Variants in LAT observed in about 807,000 individuals in gnomAD.
LAT encodes linker for activation of T cells.
Under a neutral mutation model 39.1 loss-of-function variants are expected in LAT, and 12 were observed. That is an observed-to-expected ratio of 0.31 (90% CI 0.20 to 0.50). The LOEUF (loss-of-function observed/expected upper bound fraction) is 0.50. Among genes scored for constraint, LAT ranks in the 20% least tolerant of loss-of-function variants. The pLI, the probability that LAT is intolerant of heterozygous loss-of-function variation, is 0.98. For missense variants in LAT, 253 were observed against 308.0 expected, an observed-to-expected ratio of 0.82 and a Z score of 1.34; for synonymous variants, 117 against 123.8, an observed-to-expected ratio of 0.95 and a Z score of 0.36.
At chr16:28,989,171 C>G (rs1217282603) in intron 8 of LAT, 2 of 222,112 alleles carry the variant, frequency 9.0e-6, no homozygotes, top group Admixed American at 5.3e-5. Flanking sequence ...GTCCCCTCCA[C>G]ACACGCCACC....
chr16:28,989,886 T>TG (rs1965835233), intron 10 of LAT, 47 bp downstream of exon 10: 1 of 1,613,724 alleles, frequency 6.2e-7, no homozygotes, highest in Non-Finnish European at 8.5e-7. Context: ...GCTTTGGGCT[T>TG]GGGGGGATAG....
rs755580342 is a variant in LAT, at chr16:28,989,966, A to T, written c.656A>T (p.Glu219Val). ...AGTTCCCAGGAGGCAGAGGAAGTGG[A>T]GGAAGAGGGGGCTCCAGATTACGAG... ...ALSSQEAEEV[E>V]EEGAPDYENL... Residue 219 changes from glutamate to valine, a missense_variant, in exon 11 of 12, where the codon GAG becomes GTG. Coordinates refer to ENST00000395456, the MANE Select transcript of LAT (RefSeq NM_001014987.2). 3 of 1,613,850 alleles carry T rather than the reference A, an allele frequency of 1.9e-6. No homozygotes were observed. Among genetic ancestry groups the T allele is most frequent in the Non-Finnish European group, 2.5e-6 (3 of 1,179,946 alleles).
Position 28,985,828 on chromosome 16 carries a change from T to A in LAT, c.129-26T>A. On this transcript the variant is annotated intron_variant, in intron 2 of 11. Coordinates refer to ENST00000395456, the MANE Select transcript of LAT (RefSeq NM_001014987.2). This position sits in a 1 kb window ranked among gnomAD's most constrained non-coding sequence, Gnocchi z 4.6. ...TTCCATCCTCCATCTTCCAGCCCCA[T>A]CCCCAAGCTGTGTCTCCTTTACCAG... The A allele has an allele frequency of 6.2e-7, 1 of 1,613,930 alleles. No individual in the cohort carries two copies.
In LAT at chr16:28,986,916, T is replaced by G. The variant is rs767569710; in HGVS notation, c.493+23T>G. ...CCAGTGAGTCAGGCATTTGTTTTTA[T>G]TTTTAAATTTTTTTAGGGATAGGCT... On this transcript the variant is annotated intron_variant, in intron 8 of 11. Coordinates refer to ENST00000395456, the MANE Select transcript of LAT (RefSeq NM_001014987.2). The surrounding 1 kb of genome is among the most constrained non-coding windows in gnomAD (Gnocchi z 5.7). 2.5e-6 allele frequency: 4 copies of G among 1,597,252 alleles called. No individual in the cohort carries two copies. The South Asian group carries it at 4.4e-5, about 18-fold the overall frequency.
At position 28,986,204 on chromosome 16, in the gene LAT, T is replaced by C. The variant is rs1342632805; in HGVS notation, c.233T>C (p.Leu78Pro). 3.8e-6 allele frequency: 6 copies of C among 1,599,230 alleles called. No individual in the cohort carries two copies. In the Admixed American group the frequency reaches 5.1e-5, roughly 14 times the overall value. The change falls in exon 4 of 12, where the codon CTG becomes CCG. Residue 78 changes from leucine (L) to proline (P), a missense_variant. By Grantham distance (98) the Leu-to-Pro change is moderately conservative. Coordinates refer to ENST00000395456, the MANE Select transcript of LAT (RefSeq NM_001014987.2). The surrounding 1 kb of genome is among the most constrained non-coding windows in gnomAD (Gnocchi z 5.7). ...TACCCACCCCTGAGCCAGCCAGACC[T>C]GCTCCCCATCCCGTGAGTAGCTGCT... The part of the protein sequence containing the change: ...TSYPPLSQPD[L>P]LPIPRSPQPL...
At position 28,985,228 on chromosome 16, in the gene LAT, TAA is replaced by T; in HGVS notation, c.-187_-186del. 7.0e-7 allele frequency: 1 copy of T among 1,434,858 alleles called. No homozygotes were observed. The highest frequency in any genetic ancestry group is 9.1e-7 in the Non-Finnish European group (1 of 1,099,006). 88.9% of individuals were successfully genotyped at this position (1,434,858 alleles called of 1,614,324 possible). ...TCAGCTGGACGCACACTCAGCCCAG[TAA>T]AAGAGGGGACCCATCCCGGGAGCCC... On this transcript the variant is annotated 5_prime_UTR_variant, in exon 1 of 12. Coordinates refer to ENST00000395456, the MANE Select transcript of LAT (RefSeq NM_001014987.2). This position sits in a 1 kb window ranked among gnomAD's most constrained non-coding sequence, Gnocchi z 4.6.
rs1416075920 is a variant in LAT, at chr16:28,990,177, G to A, written c.*8-12G>A. On this transcript the variant is annotated splice_polypyrimidine_tract_variant and intron_variant, in intron 11 of 11. Coordinates refer to ENST00000395456, the MANE Select transcript of LAT (RefSeq NM_001014987.2). ...CCTGATCCGTATCCCTCCCTGCCCT[G>A]GTGTGTTTCAGTGGAGGCCGAGTCT... 1 of 731,302 alleles carries A rather than the reference G, an allele frequency of 1.4e-6. No homozygotes were observed. The highest frequency in any genetic ancestry group is 2.4e-6 in the Non-Finnish European group (1 of 411,382). 45.3% of individuals were successfully genotyped at this position (731,302 alleles called of 1,614,324 possible).
rs993658966 is a variant in LAT at position 28,985,889 on chromosome 16, G to A, written c.163+1G>A. 5 of 1,614,042 alleles carry A rather than the reference G, an allele frequency of 3.1e-6. No individual in the cohort carries two copies. The highest frequency in any genetic ancestry group is 2.5e-6 in the Non-Finnish European group (3 of 1,179,954). ...AGGGGCATCCAGTTCAAACGGCCTC[G>A]TGAGTACAAGGAGGGTCCCCTACCT... On this transcript the variant is annotated splice_donor_variant, in intron 3 of 11. Coordinates refer to ENST00000395456, the MANE Select transcript of LAT (RefSeq NM_001014987.2). LOFTEE classifies it high-confidence loss of function. The surrounding 1 kb of genome is among the most constrained non-coding windows in gnomAD (Gnocchi z 4.6).
chr16:28,985,239 A>T lies in LAT; in HGVS notation c.-179A>T, dbSNP rs912625333. 7.0e-7 allele frequency: 1 copy of T among 1,436,762 alleles called. No individual in the cohort carries two copies. Among genetic ancestry groups the T allele is most frequent in the Non-Finnish European group, 9.1e-7 (1 of 1,099,744 alleles). The allele number at this position is 1,436,762 out of a possible 1,614,324, so 89.0% of individuals were successfully genotyped here. A position where few individuals can be genotyped will look rare whatever the true frequency, so the allele number is the denominator to read the frequency against. On this transcript the variant is annotated 5_prime_UTR_variant, in exon 1 of 12. Coordinates refer to ENST00000395456, the MANE Select transcript of LAT (RefSeq NM_001014987.2). The surrounding 1 kb of genome is among the most constrained non-coding windows in gnomAD (Gnocchi z 4.6). The stretch of plus-strand genomic sequence containing the variant: ...CACACTCAGCCCAGTAAAAGAGGGG[A>T]CCCATCCCGGGAGCCCCGGGGAGGG...
At position 28,990,056 on chromosome 16, in the gene LAT, C is replaced by T. The variant is rs1303168959; in HGVS notation, c.*7+37C>T. 3 of 1,547,154 alleles carry T rather than the reference C, an allele frequency of 1.9e-6. No homozygotes were observed. In the African/African-American group the frequency reaches 4.1e-5, roughly 21 times the overall value. On this transcript the variant is annotated intron_variant, in intron 11 of 11. Transcript: ENST00000395456. ...GCCCTGTCCCCACCCTGCCCTGGGC[C>T]CACAGGCTCTACTCCTTCCCTCCAG...
In LAT at chr16:28,985,257, G is replaced by A. The variant is rs899299717; in HGVS notation, c.-161G>A. The A allele has an allele frequency of 2.6e-5, 38 of 1,443,198 alleles. No individual in the cohort carries two copies. The highest frequency in any genetic ancestry group is 1.4e-4 in the Admixed American group (5 of 35,162). The allele number at this position is 1,443,198 out of a possible 1,614,324, so 89.4% of individuals were successfully genotyped here. Reference sequence around the variant, plus strand: ...AGAGGGGACCCATCCCGGGAGCCCCGGGGAGGGCACAGCTGCCTCCTCCCG... The same window carrying A: ...AGAGGGGACCCATCCCGGGAGCCCCAGGGAGGGCACAGCTGCCTCCTCCCG... On this transcript the variant is annotated 5_prime_UTR_variant, in exon 1 of 12. Coordinates refer to ENST00000395456, the MANE Select transcript of LAT (RefSeq NM_001014987.2). This position sits in a 1 kb window ranked among gnomAD's most constrained non-coding sequence, Gnocchi z 4.6.
Position 28,985,252 on chromosome 16 carries a change from GC to G in LAT, c.-162del. The stretch of plus-strand genomic sequence containing the variant: ...GTAAAAGAGGGGACCCATCCCGGGA[GC>G]CCCGGGGAGGGCACAGCTGCCTCCT... On this transcript the variant is annotated 5_prime_UTR_variant, in exon 1 of 12. Coordinates refer to ENST00000395456, the MANE Select transcript of LAT (RefSeq NM_001014987.2). This position sits in a 1 kb window ranked among gnomAD's most constrained non-coding sequence, Gnocchi z 4.6. The G allele has an allele frequency of 1.4e-6, 2 of 1,441,744 alleles. No homozygotes were observed. Among genetic ancestry groups the G allele is most frequent in the Non-Finnish European group, 1.8e-6 (2 of 1,101,238 alleles). 89.3% of individuals were successfully genotyped at this position (1,441,744 alleles called of 1,614,324 possible).
At position 28,990,360 on chromosome 16, in the gene LAT, A is replaced by G; in HGVS notation, c.*179A>G. ...TTGGGGTTCGGCCTGTGTCCCCCGA[A>G]CGCTCTGCACCTTCTGACGCAGCCT... On this transcript the variant is annotated 3_prime_UTR_variant, in exon 12 of 12. Coordinates refer to ENST00000395456, the MANE Select transcript of LAT (RefSeq NM_001014987.2). The G allele has an allele frequency of 2.1e-6, 1 of 483,922 alleles. No homozygotes were observed. Among genetic ancestry groups the G allele is most frequent in the Non-Finnish European group, 4.0e-6 (1 of 250,046 alleles). The allele number at this position is 483,922 out of a possible 1,614,324, so 30.0% of individuals were successfully genotyped here.
upstream of LAT, chr16:28,985,006 GC>G (rs1965708545): frequency 7.0e-7 from 1 of 1,436,866 alleles, no homozygotes; most frequent in African/African-American, 1.4e-5. This position sits in a 1 kb window ranked among gnomAD's most constrained non-coding sequence, Gnocchi z 4.6. Flanking sequence ...GGCGGGTGCA[GC>G]CGGCTGAGAG....
At chr16:28,989,150 T>A (rs1965820119) in intron 8 of LAT, 1 of 189,318 alleles carries the variant, frequency 5.3e-6, no homozygotes, top group Non-Finnish European at 1.1e-5. Flanking sequence ...CTGCTGGGCC[T>A]AGTGTGTCAT....
chr16:28,987,821 G>A, intron 8 of LAT: 1 of 152,232 alleles, frequency 6.6e-6, no homozygotes, highest in African/African-American at 2.4e-5. Flanking sequence ...GCTGGGCATG[G>A]TGGCTCACTC....
chr16:28,989,714 G>C, intron 9 of LAT, 60 bp from the exon 10 acceptor site: 2 of 1,599,522 alleles, frequency 1.3e-6, no homozygotes, highest in Non-Finnish European at 1.7e-6. Flanking sequence ...GCGTCCCCTT[G>C]CTCTCTCGCC....
chr16:28,985,382 A>C lies in LAT; in HGVS notation c.-36A>C. On this transcript the variant is annotated 5_prime_UTR_variant, in exon 1 of 12. Coordinates refer to ENST00000395456, the MANE Select transcript of LAT (RefSeq NM_001014987.2). This position sits in a 1 kb window ranked among gnomAD's most constrained non-coding sequence, Gnocchi z 4.6. ...CCTTGACTCTGCCCTTGAGGGGCCTAGGGGTGCAGCCAGCCTGCTCCGAGC... is the reference window on the plus strand; with the variant it reads ...CCTTGACTCTGCCCTTGAGGGGCCTCGGGGTGCAGCCAGCCTGCTCCGAGC... The C allele has an allele frequency of 6.2e-7, 1 of 1,611,812 alleles. No individual in the cohort carries two copies. The highest frequency in any genetic ancestry group is 1.1e-5 in the South Asian group (1 of 90,942).
intron 8 of LAT, chr16:28,988,091 TAA>T (rs753398649): frequency 1.2e-3 from 165 of 138,834 alleles, no homozygotes; most frequent in Non-Finnish European, 9.8e-4. Context: ...GACCTTGTGT[TAA>T]AAAAAAAAAA....
Sources: allele counts gnomAD v4.1 joint callset, GRCh38; gene constraint gnomAD v4.1.1; non-coding constraint Gnocchi (gnomAD v3.1); transcripts MANE v1.5; gene names NCBI Gene and HGNC (gene_info 2026-07-23, HGNC 2026-07-21).